Variants in ABLIM1 observed in about 807,000 individuals in gnomAD.
ABLIM1 encodes the protein actin binding LIM protein 1.
ABLIM1 carries 40 observed loss-of-function variants against 107.0 expected under a neutral mutation model. That is an observed-to-expected ratio of 0.37 (90% CI 0.29 to 0.49). ABLIM1 has a LOEUF of 0.49. Among genes scored for constraint, ABLIM1 ranks in the 20% least tolerant of loss-of-function variants. The probability of loss-of-function intolerance (pLI) is 0.97; values close to 1 mark genes in which losing one functional copy is unlikely to be tolerated. For missense variants in ABLIM1, 857 were observed against 1,008.5 expected (o/e 0.85, Z 2.04); for synonymous variants, 357 against 357.3 (o/e 1.00, Z 0.01).
intron 19 of ABLIM1, 94 bp downstream of exon 19, chr10:114,440,923 A>G: frequency 8.2e-7 from 1 of 1,221,070 alleles, no homozygotes; most frequent in South Asian, 1.3e-5. Context: ...TAAGGATACA[A>G]TACAGCATGA....
intron 12 of ABLIM1, among the ~76,000 whole-genome samples, chr10:114,457,020 A>T (rs1261798220): frequency 1.3e-5 from 2 of 151,994 alleles, no homozygotes; most frequent in Admixed American, 6.6e-5. Context: ...AAGCATTTTT[A>T]AAAATCAGGT....
At position 114,435,990 on chromosome 10, in the gene ABLIM1, G is replaced by A; in HGVS notation, c.*270C>T. On this transcript the variant is annotated 3_prime_UTR_variant, in exon 23 of 23. Coordinates refer to ENST00000533213, the MANE Select transcript of ABLIM1 (RefSeq NM_002313.7). Reference sequence around the variant, plus strand: ...AAAAGAAGAAAACAACGCAGCTCCTGTTGTATACATAAGGTAATGTGAAAA... The same window carrying A: ...AAAAGAAGAAAACAACGCAGCTCCTATTGTATACATAAGGTAATGTGAAAA... 2.7e-6 allele frequency: 1 copy of A among 365,798 alleles called. No individual in the cohort carries two copies. Among genetic ancestry groups the A allele is most frequent in the Non-Finnish European group, 5.0e-6 (1 of 201,978 alleles). The allele number at this position is 365,798 out of a possible 1,614,324, so 22.7% of individuals were successfully genotyped here. A position where few individuals can be genotyped will look rare whatever the true frequency, so the allele number is the denominator to read the frequency against.
At chr10:114,775,392 G>A in the ABLIM1 span, among the ~76,000 whole-genome samples, 1 of 152,182 alleles carries the variant, frequency 6.6e-6, no homozygotes, top group Non-Finnish European at 1.5e-5. Flanking sequence ...TGAGGGATCA[G>A]GAGATGCAAC....
At chr10:114,795,740 G>A in the ABLIM1 span, among the ~76,000 whole-genome samples, 184 of 151,926 alleles carry the variant, frequency 1.2e-3, no homozygotes, top group South Asian at 4.0e-3. Context: ...TACATTTCTG[G>A]TTTTACCACT....
At chr10:114,485,285 C>A in intron 8 of ABLIM1, 1 of 1,600,634 alleles carries the variant, frequency 6.2e-7, no homozygotes. Flanking sequence ...CCAGCCTAGA[C>A]ACAATGCCAA....
intron 1 of ABLIM1, among the ~76,000 whole-genome samples, chr10:114,718,013 AGG>A (rs1168626911): frequency 8.7e-5 from 12 of 137,630 alleles, no homozygotes; most frequent in African/African-American, 3.0e-4. Context: ...GAAGGAAGGA[AGG>A]AAGGAAGGAA....
intron 6 of ABLIM1, among the ~76,000 whole-genome samples, chr10:114,538,861 T>C (rs1338851159): frequency 6.6e-6 from 1 of 152,142 alleles, no homozygotes; most frequent in African/African-American, 2.4e-5. Context: ...CCTGGGGGCA[T>C]AGGAATTGCA....
chr10:114,704,265 T>TCG (rs2081361965), intron 1 of ABLIM1, among the ~76,000 whole-genome samples: 3 of 80,404 alleles, frequency 3.7e-5, no homozygotes, highest in Admixed American at 3.7e-4. Flanking sequence ...ACTCTATCTC[T>TCG]CTCTCGCTCT....
the ABLIM1 span, chr10:114,779,612 T>C: frequency 6.6e-6 from 1 of 152,250 alleles, no homozygotes; most frequent in Non-Finnish European, 1.5e-5. Flanking sequence ...AACTGGATTA[T>C]GCCTTATTTT....
chr10:114,724,830 G>A (rs1268545790), intron 1 of ABLIM1, among the ~76,000 whole-genome samples: 1 of 152,148 alleles, frequency 6.6e-6, no homozygotes, highest in Admixed American at 6.5e-5. Context: ...TCCCCACCCA[G>A]GGGAAACAGG....
chr10:114,584,696 C>T (rs1232096175), intron 2 of ABLIM1, among the ~76,000 whole-genome samples: 2 of 152,146 alleles, frequency 1.3e-5, no homozygotes, highest in Non-Finnish European at 2.9e-5. Flanking sequence ...ACATTAACTT[C>T]TAAATTCACA....
At chr10:114,706,205 T>G (rs2081417431) in intron 1 of ABLIM1, among the ~76,000 whole-genome samples, 1 of 152,202 alleles carries the variant, frequency 6.6e-6, no homozygotes, top group Non-Finnish European at 1.5e-5. Context: ...CAAATCAGTA[T>G]AGCAAAGGCC....
chr10:114,506,823 G>A (rs2061219055), intron 6 of ABLIM1, among the ~76,000 whole-genome samples: 1 of 152,122 alleles, frequency 6.6e-6, no homozygotes. Flanking sequence ...CTTTTGCTGT[G>A]CAGAAGCTCT....
chr10:114,702,951 T>G (rs2081337443), intron 1 of ABLIM1, among the ~76,000 whole-genome samples: 2 of 152,208 alleles, frequency 1.3e-5, no homozygotes, highest in South Asian at 4.1e-4. Context: ...TTATTTTATT[T>G]GTTGATGTTT....
intron 6 of ABLIM1, among the ~76,000 whole-genome samples, chr10:114,517,111 A>T (rs569669087): frequency 6.6e-6 from 1 of 152,054 alleles, no homozygotes; most frequent in South Asian, 2.1e-4. Context: ...AAGAGCAAGC[A>T]CTCCGATTTT....
At chr10:114,500,597 T>C (rs2060255719) in intron 6 of ABLIM1, among the ~76,000 whole-genome samples, 1 of 150,644 alleles carries the variant, frequency 6.6e-6, no homozygotes, top group Admixed American at 6.6e-5. Flanking sequence ...GGAGGATCAC[T>C]TGAGCCCAGA....
chr10:114,600,861 C>T (rs1248935340), intron 2 of ABLIM1, among the ~76,000 whole-genome samples: 2 of 152,078 alleles, frequency 1.3e-5, no homozygotes, highest in Non-Finnish European at 2.9e-5. Context: ...CCTGTTTTTC[C>T]CCAGTTGGCC....
In ABLIM1 at chr10:114,707,787, G is replaced by C. The variant is rs1241275445; in HGVS notation, c.-213+60274C>G. ...GTGGTGGCGGGTGCCTGTCATCCCA[G>C]CTACTCGGCAGGCTGAGGCAGGAGA... On this transcript the variant is annotated intron_variant, in intron 1 of 15. Coordinates refer to the ABLIM1 transcript ENST00000651092. This position sits in a 1 kb window ranked among gnomAD's most constrained non-coding sequence, Gnocchi z 4.1. 2.6e-5 allele frequency among the ~76,000 whole-genome samples: 4 copies of C among 152,048 alleles called. No individual in the cohort carries two copies. The highest frequency in any genetic ancestry group is 5.9e-5 in the Non-Finnish European group (4 of 68,024).
chr10:114,648,819 A>G (rs1343346342), intron 1 of ABLIM1, among the ~76,000 whole-genome samples: 1 of 152,172 alleles, frequency 6.6e-6, no homozygotes. Flanking sequence ...GCAAACAAAC[A>G]GATACAAATA....
Sources: allele counts gnomAD v4.1 joint callset (sites outside exome capture counted in the v4.1 genomes callset), GRCh38; gene constraint gnomAD v4.1.1; non-coding constraint Gnocchi (gnomAD v3.1); transcripts MANE v1.5; gene names NCBI Gene and HGNC (gene_info 2026-07-23, HGNC 2026-07-21).